TMEM132B: variants seen among roughly 807,000 people sequenced by gnomAD.
TMEM132B encodes transmembrane protein 132B.
TMEM132B carries 18 observed loss-of-function variants against 90.8 expected under a neutral mutation model. The ratio of observed to expected loss-of-function variants is 0.20; its 90% CI spans 0.14 to 0.29. TMEM132B has a LOEUF of 0.29. Among genes scored for constraint, TMEM132B ranks in the 10% least tolerant of loss-of-function variants. The probability of loss-of-function intolerance (pLI) is 1.00; values close to 1 mark genes in which losing one functional copy is unlikely to be tolerated. For synonymous variants in TMEM132B, 504 were observed against 523.3 expected (o/e 0.96, Z 0.50); for missense variants, 1,096 against 1,326.8 (o/e 0.83, Z 2.70).
At chr12:125,557,037 G>A (rs1171916429) in intron 4 of TMEM132B, among the ~76,000 whole-genome samples, 2 of 152,114 alleles carry the variant, frequency 1.3e-5, no homozygotes, top group African/African-American at 2.4e-5. Context: ...TTTGACTTAC[G>A]TGCCTTGTGT....
intron 1 of TMEM132B, among the ~76,000 whole-genome samples, chr12:125,276,447 A>G (rs1022066853): frequency 1.3e-5 from 2 of 152,224 alleles, no homozygotes; most frequent in East Asian, 1.9e-4. Flanking sequence ...GGAACTATCC[A>G]TCCCGGACTT....
chr12:125,404,352 T>C (rs1879406187), intron 2 of TMEM132B, among the ~76,000 whole-genome samples: 1 of 152,066 alleles, frequency 6.6e-6, no homozygotes, highest in Non-Finnish European at 1.5e-5. Context: ...CCTAGGGATG[T>C]TAGAGGAATT....
chr12:125,249,937 T>G (rs1226904496), intron 1 of TMEM132B, among the ~76,000 whole-genome samples: 2 of 152,212 alleles, frequency 1.3e-5, no homozygotes, highest in African/African-American at 4.8e-5. Context: ...GTTACCAGTC[T>G]GGGGGACAGG....
intron 2 of TMEM132B, among the ~76,000 whole-genome samples, chr12:125,387,157 C>T (rs556365301): frequency 0.027 from 332 of 12,286 alleles, 1 homozygote; most frequent in Non-Finnish European, 0.037. Flanking sequence ...GGGGGTGGGG[C>T]GGGGAGATGG....
chr12:125,252,147 T>C (rs145255542), intron 1 of TMEM132B, among the ~76,000 whole-genome samples: 48 of 152,266 alleles, frequency 3.2e-4, no homozygotes, highest in African/African-American at 1.0e-3. Flanking sequence ...TTCTCTTGGG[T>C]GATAAATAAT....
At chr12:125,267,716 G>A (rs1874729004) in intron 1 of TMEM132B, among the ~76,000 whole-genome samples, 2 of 152,140 alleles carry the variant, frequency 1.3e-5, no homozygotes, top group Non-Finnish European at 2.9e-5. Context: ...GGTTAGGGGG[G>A]CAGTGGCTCC....
rs1275256312 is a variant in TMEM132B, at chr12:125,459,405, A to T, written c.1106+43728A>T. Among the ~76,000 whole-genome samples the T allele has an allele frequency of 5.3e-5, 8 of 152,284 alleles. No individual in the cohort carries two copies. In the East Asian group the frequency reaches 1.5e-3, roughly 29 times the overall value. On this transcript the variant is annotated intron_variant, in intron 3 of 8. Coordinates refer to ENST00000682704, the MANE Select transcript of TMEM132B (RefSeq NM_001366854.1). This position sits in a 1 kb window ranked among gnomAD's most constrained non-coding sequence, Gnocchi z 4.1. ...AACTGGAGATCATCATGCTAAATGA[A>T]ATAAGCCAGACACAGAAAGACAAAC...
At position 125,238,366 on chromosome 12, in the gene TMEM132B, C is replaced by CAAAAAAAAAAAAAA. The variant is rs762032967; in HGVS notation, c.67+51510_67+51511insAAAAAAAAAAAAAA. ...AGACTCCGTCTCAAAAAAAAAAAAC[C>CAAAAAAAAAAAAAA]AAAAAAAAAACAAAAAAAAACCAAA... is the stretch of plus-strand genomic sequence containing the variant. On this transcript the variant is annotated intron_variant, in intron 1 of 8. Transcript: ENST00000682704. Among the ~76,000 whole-genome samples, 14 of 111,558 alleles carry CAAAAAAAAAAAAAA rather than the reference C, an allele frequency of 1.3e-4. 1 individual carries two copies. Among genetic ancestry groups the CAAAAAAAAAAAAAA allele is most frequent in the African/African-American group, 2.9e-4 (8 of 27,632 alleles). The allele number at this position is 111,558 out of a possible 152,430, so 73.2% of individuals were successfully genotyped here.
At chr12:125,478,893 T>A (rs1031645690) in intron 3 of TMEM132B, among the ~76,000 whole-genome samples, 1 of 152,150 alleles carries the variant, frequency 6.6e-6, no homozygotes, top group African/African-American at 2.4e-5. Context: ...GGGAAGCCCA[T>A]CAGACTAATA....
intron 1 of TMEM132B, among the ~76,000 whole-genome samples, chr12:125,338,715 C>G (rs325079): frequency 0.12 from 18,640 of 152,178 alleles, 2,045 homozygotes; most frequent in African/African-American, 0.29. Context: ...GCTGTCCTGC[C>G]CATCAGCACA....
chr12:125,315,764 C>G (rs1876252047), intron 1 of TMEM132B, among the ~76,000 whole-genome samples: 1 of 152,152 alleles, frequency 6.6e-6, no homozygotes, highest in African/African-American at 2.4e-5. Context: ...TTGGAGTGAA[C>G]AGGAGACCCC....
At chr12:125,463,932 C>T (rs540714293) in intron 3 of TMEM132B, among the ~76,000 whole-genome samples, 15 of 152,252 alleles carry the variant, frequency 9.9e-5, no homozygotes, top group African/African-American at 3.6e-4. Flanking sequence ...CACAAGGTGG[C>T]AGGAGAAAGA....
At chr12:125,287,460 C>T (rs1875393956) in intron 1 of TMEM132B, among the ~76,000 whole-genome samples, 1 of 152,110 alleles carries the variant, frequency 6.6e-6, no homozygotes. Flanking sequence ...ACCTAAGTAA[C>T]TATTTTTAAA....
chr12:125,195,172 A>G (rs1394678310), intron 1 of TMEM132B, among the ~76,000 whole-genome samples: 1 of 151,890 alleles, frequency 6.6e-6, no homozygotes, highest in African/African-American at 2.4e-5. Flanking sequence ...AGACATTTTT[A>G]CTGTGCACCT....
intron 1 of TMEM132B, among the ~76,000 whole-genome samples, chr12:125,212,353 T>A (rs1463231218): frequency 2.6e-5 from 4 of 151,930 alleles, no homozygotes; most frequent in Non-Finnish European, 4.4e-5. Flanking sequence ...ATATATATAT[T>A]TTTTGTAGAG....
At chr12:125,411,138 TG>T (rs1879815693) in intron 2 of TMEM132B, among the ~76,000 whole-genome samples, 3 of 18,654 alleles carry the variant, frequency 1.6e-4, no homozygotes, top group African/African-American at 7.7e-4. Context: ...GTGAGTGGAG[TG>T]GAGTGAGTGG....
At position 125,268,699 on chromosome 12, in the gene TMEM132B, T is replaced by A. The variant is rs73412513; in HGVS notation, c.68-80753T>A. ...ATAACGTTGCTTGCTTCTGGGGAGT[T>A]GAGTGTAAGACAGAAGGGAGGAGAC... On this transcript the variant is annotated intron_variant, in intron 1 of 8. Transcript: ENST00000682704. Among the ~76,000 whole-genome samples the A allele has an allele frequency of 1.8e-3, 271 of 152,296 alleles. 1 individual carries two copies. Among genetic ancestry groups the A allele is most frequent in the African/African-American group, 6.3e-3 (261 of 41,572 alleles).
In TMEM132B at chr12:125,349,214, AC is replaced by A. The variant is rs1445297368; in HGVS notation, c.68-233del. 6.6e-6 allele frequency among the ~76,000 whole-genome samples: 1 copy of A among 151,978 alleles called. No homozygotes were observed. The highest frequency in any genetic ancestry group is 1.9e-4 in the East Asian group (1 of 5,166). ...TTTCCCTTTAGAAAGATAACTGTTC[AC>A]CCCCAAGACTATTGGATCAGTGGTA... On this transcript the variant is annotated intron_variant, in intron 1 of 8. Coordinates refer to ENST00000682704, the MANE Select transcript of TMEM132B (RefSeq NM_001366854.1). This position sits in a 1 kb window ranked among gnomAD's most constrained non-coding sequence, Gnocchi z 4.1.
chr12:125,239,488 G>A (rs540373971), intron 1 of TMEM132B, among the ~76,000 whole-genome samples: 55 of 152,236 alleles, frequency 3.6e-4, no homozygotes, highest in Middle Eastern at 6.8e-3. Context: ...CTGGATCCTC[G>A]TCTCTTTCTT....
Sources: allele counts gnomAD v4.1 joint callset (sites outside exome capture counted in the v4.1 genomes callset), GRCh38; gene constraint gnomAD v4.1.1; non-coding constraint Gnocchi (gnomAD v3.1); transcripts MANE v1.5; gene names NCBI Gene and HGNC (gene_info 2026-07-23, HGNC 2026-07-21).